The following ELL3 variants were observed in gnomAD, a reference collection of about 807,000 sequenced individuals.
The protein encoded by ELL3 is elongation factor for RNA polymerase II 3.
ELL3 carries 48 observed loss-of-function variants against 58.5 expected under a neutral mutation model. The observed-to-expected ratio is 0.82, with a 90% CI of 0.65 to 1.04. The LOEUF is 1.04. ELL3 is among the 50% of genes least tolerant of loss of function. ELL3 has a pLI of 0.00. For synonymous variants in ELL3, 174 were observed against 173.2 expected (o/e 1.00, Z -0.04); for missense variants, 458 against 478.4 (o/e 0.96, Z 0.40).
chr15:43,773,404 C>G, intron 9 of ELL3, 56 bp from the exon 10 acceptor site: 1 of 1,599,848 alleles, frequency 6.3e-7, no homozygotes, highest in Non-Finnish European at 8.5e-7. Context: ...AGAGGGGCGG[C>G]CAGGCATGGT....
Position 43,775,937 on chromosome 15 carries a change from G to A in ELL3, c.282-14C>T, listed in dbSNP as rs776789680. 3 of 1,613,688 alleles carry A rather than the reference G, an allele frequency of 1.9e-6. No individual in the cohort carries two copies. Among genetic ancestry groups the A allele is most frequent in the Non-Finnish European group, 2.5e-6 (3 of 1,179,890 alleles). On this transcript the variant is annotated splice_polypyrimidine_tract_variant and intron_variant, in intron 3 of 10. Coordinates refer to ENST00000319359, the MANE Select transcript of ELL3 (RefSeq NM_025165.3). ...TTAGGCCCAGACCTGGAAAAGGATG[G>A]TGGAAAAAAATAGGAGGGTGGAGAC...
Position 43,774,492 on chromosome 15 carries a change from T to C in ELL3, c.850A>G (p.Ile284Val), listed in dbSNP as rs1346756508. Residue 284 changes from isoleucine (I) to valine (V), a missense_variant, in exon 8 of 11, where the codon ATA becomes GTA. Ile to Val is a conservative substitution (Grantham distance 29, BLOSUM62 3). Coordinates refer to ENST00000319359, the MANE Select transcript of ELL3 (RefSeq NM_025165.3). ...EDSESPSPEDIPDYLLQYRAI... is the reference protein window; with the variant it reads ...EDSESPSPEDVPDYLLQYRAI... ...GGAACTCACAGGAGGTAGTCTGGTA[T>C]ATCTTCAGGACTTGGGGATTCAGAA... 2 of 1,614,232 alleles carry C rather than the reference T, an allele frequency of 1.2e-6. No homozygotes were observed. Among genetic ancestry groups the C allele is most frequent in the East Asian group, 2.2e-5 (1 of 44,890 alleles).
rs573108506 is a variant in ELL3, at chr15:43,772,813, C to T, written c.*303G>A. The T allele has an allele frequency of 8.3e-6, 2 of 240,498 alleles. No individual in the cohort carries two copies. Among genetic ancestry groups the T allele is most frequent in the Admixed American group, 5.4e-5 (1 of 18,600 alleles). 14.9% of individuals were successfully genotyped at this position (240,498 alleles called of 1,614,324 possible). ...TTGTCTAATGTCCTCATTATTTTAT[C>T]CTGAAGATGATGTCATTTCTCAGGA... On this transcript the variant is annotated 3_prime_UTR_variant, in exon 11 of 11. Coordinates refer to ENST00000319359, the MANE Select transcript of ELL3 (RefSeq NM_025165.3).
intron 8 of ELL3, 59 bp from the exon 9 acceptor site, chr15:43,774,412 T>C (rs1324287433): frequency 6.2e-7 from 1 of 1,613,618 alleles, no homozygotes; most frequent in Non-Finnish European, 8.5e-7. Context: ...GCCCCCAGCT[T>C]CCAGGAAGTG....
chr15:43,773,611 T>C lies in ELL3; in HGVS notation c.1039-263A>G, dbSNP rs569558778. Among the ~76,000 whole-genome samples, 5 of 151,636 alleles carry C rather than the reference T, an allele frequency of 3.3e-5. No homozygotes were observed. In the South Asian group the frequency reaches 1.0e-3, roughly 32 times the overall value. On this transcript the variant is annotated intron_variant, in intron 9 of 10. Transcript: ENST00000319359. The stretch of plus-strand genomic sequence containing the variant: ...GCGGCAGGAGAATGGGGCAGGAGAA[T>C]GGCGTGAACCCGGGAGGCGGAGCTT...
rs529471225 is a variant in ELL3, at chr15:43,776,919, C to A, written c.-18G>T. The stretch of plus-strand genomic sequence containing the variant: ...TCCTCCATGGCGACGAGTTCGAGTG[C>A]AAGCAGCACGGGGGCCACAGGCGAG... On this transcript the variant is annotated 5_prime_UTR_variant, in exon 1 of 11. Transcript: ENST00000319359. 29 of 1,608,212 alleles carry A rather than the reference C, an allele frequency of 1.8e-5. No individual in the cohort carries two copies. In the South Asian group the frequency reaches 3.1e-4, roughly 17 times the overall value.
chr15:43,775,827 C>G lies in ELL3; in HGVS notation c.378G>C (p.Gln126His), dbSNP rs1169449785. 6.2e-7 allele frequency: 1 copy of G among 1,614,086 alleles called. No individual in the cohort carries two copies. Among genetic ancestry groups the G allele is most frequent in the African/African-American group, 1.3e-5 (1 of 74,934 alleles). ...MDSIPAPSSV[Q>H]GHNLTEDARH... ...TGGCATCTTCAGTCAGGTTGTGTCCCTGAACTGATGATGGGGCTGGGATAG... is the reference window on the plus strand; with the variant it reads ...TGGCATCTTCAGTCAGGTTGTGTCCGTGAACTGATGATGGGGCTGGGATAG... Residue 126 changes from glutamine to histidine, a missense_variant, in exon 4 of 11, where the codon CAG (glutamine) becomes CAC (histidine). Gln to His is a conservative substitution (Grantham distance 24). Transcript: ENST00000319359.
In ELL3 at chr15:43,773,626, A is replaced by G. The variant is rs530764891; in HGVS notation, c.1039-278T>C. On this transcript the variant is annotated intron_variant, in intron 9 of 10. Transcript: ENST00000319359. ...GGCAGGAGAATGGCGTGAACCCGGG[A>G]GGCGGAGCTTGCAGTGAGCCAAGAT... Among the ~76,000 whole-genome samples the G allele has an allele frequency of 1.7e-3, 251 of 151,756 alleles. 1 individual carries two copies. Among genetic ancestry groups the G allele is most frequent in the South Asian group, 6.7e-3 (32 of 4,798 alleles).
At position 43,772,881 on chromosome 15, in the gene ELL3, C is replaced by A; in HGVS notation, c.*235G>T. On this transcript the variant is annotated 3_prime_UTR_variant, in exon 11 of 11. Coordinates refer to ENST00000319359, the MANE Select transcript of ELL3 (RefSeq NM_025165.3). The stretch of plus-strand genomic sequence containing the variant: ...TGAACTAAAGGTAAAAAAGCCAAGC[C>A]TCTGTCACTTTTCCTAGACTCCTAG... 2.7e-6 allele frequency: 1 copy of A among 367,246 alleles called. No homozygotes were observed. Among genetic ancestry groups the A allele is most frequent in the Non-Finnish European group, 4.8e-6 (1 of 207,166 alleles). 22.7% of individuals were successfully genotyped at this position (367,246 alleles called of 1,614,324 possible). A position where few individuals can be genotyped will look rare whatever the true frequency, so the allele number is the denominator to read the frequency against.
chr15:43,773,003 T>G lies in ELL3; in HGVS notation c.*113A>C. 9.9e-7 allele frequency: 1 copy of G among 1,007,554 alleles called. No homozygotes were observed. The highest frequency in any genetic ancestry group is 1.5e-6 in the Non-Finnish European group (1 of 678,042). The allele number at this position is 1,007,554 out of a possible 1,614,324, so 62.4% of individuals were successfully genotyped here. ...TAGAGCAGCTCTCTACTTGCCACCATGGACTCCAGTGGTCAGCATAAGAAA... is the reference window on the plus strand; with the variant it reads ...TAGAGCAGCTCTCTACTTGCCACCAGGGACTCCAGTGGTCAGCATAAGAAA... On this transcript the variant is annotated 3_prime_UTR_variant, in exon 11 of 11. Transcript: ENST00000319359.
chr15:43,773,220 G>C lies in ELL3; in HGVS notation c.1090C>G (p.Pro364Ala). 1 of 1,613,772 alleles carries C rather than the reference G, an allele frequency of 6.2e-7. No individual in the cohort carries two copies. Among genetic ancestry groups the C allele is most frequent in the Non-Finnish European group, 8.5e-7 (1 of 1,179,914 alleles). The change falls in exon 11 of 11, where the codon CCA (proline) becomes GCA (alanine). Residue 364 changes from proline (P) to alanine (A), a missense_variant. Pro to Ala is a conservative substitution (Grantham distance 27, BLOSUM62 -1). Transcript: ENST00000319359. ...QEYKKFRKQYPSYREEKRRCE... is the reference protein window; with the variant it reads ...QEYKKFRKQYASYREEKRRCE... ...CGACGCTTTTCTTCTCTGTAACTTGGGTACTGCTGCAGAGAAAAAGCATCC... is the reference window on the plus strand; with the variant it reads ...CGACGCTTTTCTTCTCTGTAACTTGCGTACTGCTGCAGAGAAAAAGCATCC...
chr15:43,775,642 C>T (rs1450231717), intron 4 of ELL3, 32 bp from the exon 5 acceptor site: 1 of 1,613,954 alleles, frequency 6.2e-7, no homozygotes, highest in Non-Finnish European at 8.5e-7. Flanking sequence ...GCACTTGGTT[C>T]CCTGGAGTAC....
At chr15:43,773,420 A>C in intron 9 of ELL3, 72 bp from the exon 10 acceptor site, 1 of 1,558,328 alleles carries the variant, frequency 6.4e-7, no homozygotes, top group Non-Finnish European at 8.8e-7. Flanking sequence ...ATGGTGGCTC[A>C]CGCCTGTAAT....
intron 6 of ELL3, 145 bp from the exon 7 acceptor site, chr15:43,774,918 A>AG (rs1448133773): frequency 2.2e-6 from 2 of 893,024 alleles, no homozygotes; most frequent in African/African-American, 3.4e-5. Flanking sequence ...GGATCGCTTG[A>AG]GCCCAAGATT....
At chr15:43,775,498 A>G (rs763374753) in intron 5 of ELL3, 27 bp downstream of exon 5, 1 of 1,613,740 alleles carries the variant, frequency 6.2e-7, no homozygotes, top group Non-Finnish European at 8.5e-7. Flanking sequence ...AAAGCTTCCC[A>G]TGTTAGTCCC....
Position 43,776,062 on chromosome 15 carries a change from G to C in ELL3, c.258C>G (p.Asp86Glu). 6.2e-7 allele frequency: 1 copy of C among 1,614,124 alleles called. No individual in the cohort carries two copies. The highest frequency in any genetic ancestry group is 8.5e-7 in the Non-Finnish European group (1 of 1,180,022). ...ACCTGAGGAAGCGTTGGCACACAAG[G>C]TCCAAGCTACCACCAGCGCCCTCCT... ...CCQEGAGGSLDLVCQRFLRSG... is the reference protein window; with the variant it reads ...CCQEGAGGSLELVCQRFLRSG... The change falls in exon 3 of 11, where the codon GAC (aspartate) becomes GAG (glutamate). Residue 86 changes from aspartate to glutamate, a missense_variant. Physicochemically the swap from Asp to Glu is conservative, Grantham distance 45. Coordinates refer to ENST00000319359, the MANE Select transcript of ELL3 (RefSeq NM_025165.3).
intron 1 of ELL3, 32 bp downstream of exon 1, chr15:43,776,738 C>T (rs759061315): frequency 3.1e-6 from 5 of 1,588,226 alleles, no homozygotes; most frequent in South Asian, 1.1e-5. Flanking sequence ...TCCCTAGGGG[C>T]AGTGACTAGA....
Position 43,772,954 on chromosome 15 carries a change from A to T in ELL3, c.*162T>A. ...CAGTGCCCATACCCTAAAAATTAAT[A>T]ATGAAAACCAAACCTCAAGAACCTA... On this transcript the variant is annotated 3_prime_UTR_variant, in exon 11 of 11. Coordinates refer to ENST00000319359, the MANE Select transcript of ELL3 (RefSeq NM_025165.3). The T allele has an allele frequency of 1.6e-6, 1 of 638,664 alleles. No individual in the cohort carries two copies. The highest frequency in any genetic ancestry group is 2.6e-6 in the Non-Finnish European group (1 of 378,924). The allele number at this position is 638,664 out of a possible 1,614,324, so 39.6% of individuals were successfully genotyped here. A position where few individuals can be genotyped will look rare whatever the true frequency, so the allele number is the denominator to read the frequency against.
rs2086916894 is a variant in ELL3 at position 43,776,357 on chromosome 15, C to G, written c.168+152G>C. ...CCACAGCCCCCTGGGACAACCCCAG[C>G]AGCCTCCTCGCCCCACTTGGAGTTC... On this transcript the variant is annotated intron_variant, in intron 2 of 10. Coordinates refer to ENST00000319359, the MANE Select transcript of ELL3 (RefSeq NM_025165.3). The G allele has an allele frequency of 1.9e-5, 25 of 1,315,726 alleles. No homozygotes were observed. In the Middle Eastern group the frequency reaches 5.4e-4, roughly 28 times the overall value. 81.5% of individuals were successfully genotyped at this position (1,315,726 alleles called of 1,614,324 possible). A position where few individuals can be genotyped will look rare whatever the true frequency, so the allele number is the denominator to read the frequency against.
Sources: gnomAD v4.1 joint callset for allele counts (sites outside exome capture counted in the v4.1 genomes callset) on GRCh38, gnomAD v4.1.1 for gene constraint, MANE v1.5 for transcripts, NCBI Gene and HGNC (gene_info 2026-07-23, HGNC 2026-07-21) for gene names.